Variants in DLGAP2 observed in about 807,000 individuals in gnomAD.
DLGAP2 encodes disks large-associated protein 2.
A neutral mutation model predicts 100.3 loss-of-function variants in DLGAP2; 26 were observed. That is an observed-to-expected ratio of 0.26 (90% CI 0.19 to 0.36). The LOEUF (loss-of-function observed/expected upper bound fraction) is 0.36, where lower values mean the gene tolerates loss of function less well. Ranked by LOEUF, DLGAP2 falls within the 10% of genes least tolerant of loss-of-function variation. The pLI is 1.00. For synonymous variants in DLGAP2, 886 were observed against 630.1 expected, an observed-to-expected ratio of 1.41 and a Z score of -6.08; for missense variants, 1,858 against 1,453.2, an observed-to-expected ratio of 1.28 and a Z score of -4.53.
chr8:1,647,478 G>C (rs1017716138), intron 8 of DLGAP2, among the ~76,000 whole-genome samples: 1 of 88,202 alleles, frequency 1.1e-5, no homozygotes, highest in Non-Finnish European at 2.1e-5. Flanking sequence ...GACAGAGAGA[G>C]ACTCTGTCTC....
At chr8:1,674,971 G>A (rs532179318) in intron 10 of DLGAP2, among the ~76,000 whole-genome samples, 1 of 152,298 alleles carries the variant, frequency 6.6e-6, no homozygotes, top group East Asian at 1.9e-4. Flanking sequence ...GTTTAATAAA[G>A]TCGTGACCCA....
Position 1,270,478 on chromosome 8 carries a change from G to A in DLGAP2, c.106+11595G>A, listed in dbSNP as rs183024231. ...TCCTCTGTTTCCACTCTTGCCTTAC[G>A]TCCAAGATTGACTTTCCTCAGGAGA... On this transcript the variant is annotated intron_variant, in intron 3 of 14. Transcript: ENST00000637795. 5.7e-4 allele frequency among the ~76,000 whole-genome samples: 87 copies of A among 152,236 alleles called. 1 individual carries two copies. The East Asian group carries it at 0.011, about 19-fold the overall frequency.
chr8:870,892 T>C (rs963220317), intron 1 of DLGAP2, among the ~76,000 whole-genome samples: 2 of 152,216 alleles, frequency 1.3e-5, no homozygotes, highest in Non-Finnish European at 2.9e-5. Context: ...GAATCACGTC[T>C]TGGGGGCTCA....
At chr8:1,468,630 G>T (rs919992063) in intron 3 of DLGAP2, among the ~76,000 whole-genome samples, 1 of 152,240 alleles carries the variant, frequency 6.6e-6, no homozygotes, top group Admixed American at 6.5e-5. Context: ...GGAAGCCTGT[G>T]CTTTGGGGCC....
chr8:1,584,460 C>A (rs759723534), intron 6 of DLGAP2, among the ~76,000 whole-genome samples: 3 of 152,154 alleles, frequency 2.0e-5, no homozygotes, highest in Non-Finnish European at 4.4e-5. Context: ...AGGAGGCATC[C>A]TCTCTCACAG....
intron 2 of DLGAP2, among the ~76,000 whole-genome samples, chr8:1,048,996 A>G (rs982556068): frequency 6.6e-6 from 1 of 152,200 alleles, no homozygotes; most frequent in Non-Finnish European, 1.5e-5. Flanking sequence ...GAAGCATGAT[A>G]ATTTGTAGAG....
At chr8:994,204 T>C (rs1800719406) in intron 2 of DLGAP2, among the ~76,000 whole-genome samples, 1 of 152,118 alleles carries the variant, frequency 6.6e-6, no homozygotes, top group South Asian at 2.1e-4. Flanking sequence ...GTGTTTTGTT[T>C]TGTTTTATTT....
At chr8:1,273,375 C>G (rs1244340086) in intron 3 of DLGAP2, among the ~76,000 whole-genome samples, 2 of 152,190 alleles carry the variant, frequency 1.3e-5, no homozygotes, top group South Asian at 2.1e-4. Context: ...AGGCACAGCT[C>G]ACATCCCTAA....
chr8:974,298 T>C (rs1042584754), intron 2 of DLGAP2, among the ~76,000 whole-genome samples: 4 of 152,014 alleles, frequency 2.6e-5, no homozygotes, highest in African/African-American at 9.7e-5. Flanking sequence ...TACAGAGGGG[T>C]AAGGATAAGA....
At chr8:1,494,636 G>A (rs919314292) in intron 3 of DLGAP2, among the ~76,000 whole-genome samples, 1 of 152,144 alleles carries the variant, frequency 6.6e-6, no homozygotes, top group African/African-American at 2.4e-5. Flanking sequence ...TCTGAGGCAG[G>A]AGAATTGCTT....
chr8:1,062,005 A>G (rs1024651892), intron 2 of DLGAP2, among the ~76,000 whole-genome samples: 2 of 151,700 alleles, frequency 1.3e-5, no homozygotes, highest in Admixed American at 6.6e-5. Flanking sequence ...TCCTGTCTAA[A>G]TAGGGATCAT....
chr8:1,254,031 A>G (rs573922797), intron 2 of DLGAP2, among the ~76,000 whole-genome samples: 1 of 152,342 alleles, frequency 6.6e-6, no homozygotes, highest in Non-Finnish European at 1.5e-5. Context: ...TCTCTGATCC[A>G]TGTCTGAGTG....
intron 2 of DLGAP2, chr8:1,250,253 A>C (rs913572329): frequency 6.6e-6 from 1 of 152,218 alleles, no homozygotes; most frequent in East Asian, 1.9e-4. Context: ...ATGGCATTTC[A>C]GGACGTGACA....
intron 3 of DLGAP2, among the ~76,000 whole-genome samples, chr8:1,281,163 G>C (rs932158366): frequency 6.6e-6 from 1 of 152,186 alleles, no homozygotes; most frequent in Non-Finnish European, 1.5e-5. Flanking sequence ...ATGTGTGTGC[G>C]TGATATTACG....
At chr8:1,196,018 C>G (rs998486094) in intron 2 of DLGAP2, among the ~76,000 whole-genome samples, 1 of 152,182 alleles carries the variant, frequency 6.6e-6, no homozygotes, top group Non-Finnish European at 1.5e-5. Flanking sequence ...CAGAGTTAAG[C>G]TTCTCTCAAA....
chr8:1,332,959 TC>T (rs1406184723), intron 3 of DLGAP2, among the ~76,000 whole-genome samples: 2 of 152,132 alleles, frequency 1.3e-5, no homozygotes, highest in Non-Finnish European at 2.9e-5. Context: ...CCTACTCCCT[TC>T]CACAAGCATG....
intron 2 of DLGAP2, among the ~76,000 whole-genome samples, chr8:1,068,743 C>CAGAGGGAGGGAAGGGCTGCACAG (rs1803334493): frequency 7.9e-5 from 12 of 152,162 alleles, no homozygotes; most frequent in African/African-American, 2.9e-4. Context: ...GCATGTGGGT[C>CAGAGGGAGGGAAGGGCTGCACAG]CGGGATATGC....
chr8:1,321,492 G>A (rs1249840662), intron 3 of DLGAP2, among the ~76,000 whole-genome samples: 1 of 152,248 alleles, frequency 6.6e-6, no homozygotes, highest in East Asian at 1.9e-4. Flanking sequence ...CATGGTCCGT[G>A]ACCACCATGC....
At chr8:1,407,061 G>A (rs76089172) in intron 3 of DLGAP2, among the ~76,000 whole-genome samples, 21 of 16,708 alleles carry the variant, frequency 1.3e-3, no homozygotes, top group Admixed American at 1.3e-3. Context: ...CTTGTCCTCC[G>A]GAGTCGTGTA....
Sources: gnomAD v4.1 joint callset for allele counts (sites outside exome capture counted in the v4.1 genomes callset) on GRCh38, gnomAD v4.1.1 for gene constraint, MANE v1.5 for transcripts, NCBI Gene and HGNC (gene_info 2026-07-23, HGNC 2026-07-21) for gene names.